The following ZNF736 variants were observed in gnomAD, a reference collection of about 807,000 sequenced individuals.
ZNF736 encodes the protein zinc finger protein 736, also known as KRAB-containing zinc-finger repressor protein.
ZNF736 carries 6 observed loss-of-function variants against 11.7 expected under a neutral mutation model. That is an observed-to-expected ratio of 0.51 (90% CI 0.28 to 1.01). The LOEUF (loss-of-function observed/expected upper bound fraction) is 1.01. ZNF736 is among the 50% of genes least tolerant of loss of function. The probability of loss-of-function intolerance (pLI) is 0.09; values close to 1 mark genes in which losing one functional copy is unlikely to be tolerated. For synonymous variants in ZNF736, 139 were observed against 164.7 expected (o/e 0.84, Z 1.19); for missense variants, 444 against 496.0 (o/e 0.90, Z 1.00).
intron 3 of ZNF736, among the ~76,000 whole-genome samples, chr7:64,337,856 G>A (rs1019585789): frequency 1.3e-5 from 2 of 148,858 alleles, no homozygotes; most frequent in African/African-American, 4.9e-5. Context: ...CCAGGTTCAA[G>A]CGATTCTTCT....
At chr7:64,331,897 G>T (rs1435604735) in intron 1 of ZNF736, among the ~76,000 whole-genome samples, 5 of 152,086 alleles carry the variant, frequency 3.3e-5, no homozygotes, top group South Asian at 2.1e-4. Flanking sequence ...TCACATTTTG[G>T]TTTTTATGTA....
chr7:64,315,974 C>A (rs1788911177), intron 1 of ZNF736, among the ~76,000 whole-genome samples: 1 of 152,182 alleles, frequency 6.6e-6, no homozygotes, highest in Non-Finnish European at 1.5e-5. Context: ...GAGTAGTCAC[C>A]TGACACTGCG....
chr7:64,325,022 C>T (rs1018331193), intron 1 of ZNF736, among the ~76,000 whole-genome samples: 18 of 152,100 alleles, frequency 1.2e-4, no homozygotes, highest in African/African-American at 4.3e-4. Flanking sequence ...TTGTCAATGG[C>T]CGAAGTGCCC....
intron 1 of ZNF736, among the ~76,000 whole-genome samples, chr7:64,328,067 C>G (rs1789106063): frequency 7.1e-6 from 1 of 140,724 alleles, no homozygotes; most frequent in Non-Finnish European, 1.5e-5. Flanking sequence ...AGTTTACACA[C>G]CACATTTATA....
intron 1 of ZNF736, among the ~76,000 whole-genome samples, chr7:64,316,350 G>C (rs1017482252): frequency 5.3e-5 from 8 of 152,160 alleles, no homozygotes; most frequent in African/African-American, 9.7e-5. Flanking sequence ...CACATTGGTG[G>C]TCAACCAATC....
In ZNF736 at chr7:64,355,249, C is replaced by A; in HGVS notation, c.*6102C>A. On this transcript the variant is annotated 3_prime_UTR_variant, in exon 4 of 4. Coordinates refer to ENST00000423484, the MANE Select transcript of ZNF736 (RefSeq NM_001170905.3). ...TGACACAGGTTAAGAGTATGCACCA[C>A]AGGTATCGAAACCTAAAATGCCCTG... 1 of 172,386 alleles carries A rather than the reference C, an allele frequency of 5.8e-6. No individual in the cohort carries two copies. Among genetic ancestry groups the A allele is most frequent in the Non-Finnish European group, 1.4e-5 (1 of 71,880 alleles). 10.7% of individuals were successfully genotyped at this position (172,386 alleles called of 1,614,324 possible). A position where few individuals can be genotyped will look rare whatever the true frequency, so the allele number is the denominator to read the frequency against.
chr7:64,319,373 A>ATATATATG (rs1788969040), intron 1 of ZNF736, among the ~76,000 whole-genome samples: 2 of 125,166 alleles, frequency 1.6e-5, no homozygotes, highest in Non-Finnish European at 3.3e-5. Flanking sequence ...ATATATATAT[A>ATATATATG]TATATATGCC....
chr7:64,355,129 T>C lies in ZNF736; in HGVS notation c.*5982T>C, dbSNP rs1451792101. 6.4e-6 allele frequency: 1 copy of C among 155,282 alleles called. No homozygotes were observed. Among genetic ancestry groups the C allele is most frequent in the Admixed American group, 6.5e-5 (1 of 15,292 alleles). The allele number at this position is 155,282 out of a possible 1,614,324, so 9.6% of individuals were successfully genotyped here. A position where few individuals can be genotyped will look rare whatever the true frequency, so the allele number is the denominator to read the frequency against. The stretch of plus-strand genomic sequence containing the variant: ...AGATGGACATTTTAGCAAAACTAAG[T>C]GAAAACCTTGTAAAATTTTCAGATT... On this transcript the variant is annotated 3_prime_UTR_variant, in exon 4 of 4. Transcript: ENST00000423484.
chr7:64,344,285 A>G (rs1055986083), intron 3 of ZNF736, among the ~76,000 whole-genome samples: 1 of 152,224 alleles, frequency 6.6e-6, no homozygotes, highest in African/African-American at 2.4e-5. Context: ...CTGGGCTTCA[A>G]GAGCAAAACT....
intron 3 of ZNF736, among the ~76,000 whole-genome samples, chr7:64,340,915 A>C (rs182349445): frequency 2.0e-5 from 3 of 152,208 alleles, no homozygotes; most frequent in Admixed American, 2.0e-4. Context: ...TTCTTCAAAT[A>C]ACCTCTCTGT....
At chr7:64,322,240 G>T (rs903296651) in intron 1 of ZNF736, among the ~76,000 whole-genome samples, 3 of 151,830 alleles carry the variant, frequency 2.0e-5, no homozygotes, top group Non-Finnish European at 4.4e-5. Context: ...GGATTATGCT[G>T]TTGTTTTTCA....
chr7:64,314,266 C>T (rs1788880149), intron 1 of ZNF736, 113 bp downstream of exon 1: 1 of 1,348,772 alleles, frequency 7.4e-7, no homozygotes, highest in South Asian at 1.4e-5. Context: ...AGTCTGCATC[C>T]CCGAGTCCCC....
In ZNF736 at chr7:64,348,623, G is replaced by A. The variant is rs1789444532; in HGVS notation, c.760G>A (p.Asp254Asn). Reference sequence around the variant, plus strand: ...TAAACACAAGAGAAATCATACTGGAGACAGACCCTACAAATGTGAAGAATG... The same window carrying A: ...TAAACACAAGAGAAATCATACTGGAAACAGACCCTACAAATGTGAAGAATG... ...LVKHKRNHTGDRPYKCEECGK... is the reference protein window; with the variant it reads ...LVKHKRNHTGNRPYKCEECGK... The change falls in exon 4 of 4, where the codon GAC becomes AAC. Residue 254 changes from aspartate (D) to asparagine (N), a missense_variant. Physicochemically the swap from Asp to Asn is conservative, Grantham distance 23. Transcript: ENST00000423484. 1 of 1,605,250 alleles carries A rather than the reference G, an allele frequency of 6.2e-7. No homozygotes were observed. The highest frequency in any genetic ancestry group is 1.7e-5 in the Admixed American group (1 of 58,608).
rs763757688 is a variant in ZNF736 at position 64,351,950 on chromosome 7, G to A, written c.*2803G>A. ...TCTCCTTGGGTAAACTGCAGTTTGA[G>A]GTGTGAATAAGGCACTTAGGGTTTG... is the stretch of plus-strand genomic sequence containing the variant. On this transcript the variant is annotated 3_prime_UTR_variant, in exon 4 of 4. Coordinates refer to ENST00000423484, the MANE Select transcript of ZNF736 (RefSeq NM_001170905.3). 3.9e-5 allele frequency: 6 copies of A among 152,200 alleles called. No individual in the cohort carries two copies. The highest frequency in any genetic ancestry group is 5.9e-5 in the Non-Finnish European group (4 of 68,110). The allele number at this position is 152,200 out of a possible 1,614,324, so 9.4% of individuals were successfully genotyped here.
chr7:64,339,749 A>C (rs1181852772), intron 3 of ZNF736, among the ~76,000 whole-genome samples: 4 of 140,974 alleles, frequency 2.8e-5, no homozygotes, highest in Non-Finnish European at 6.4e-5. Context: ...TAATCCTCAA[A>C]ACTGCTTTGG....
chr7:64,314,244 G>A, intron 1 of ZNF736, 91 bp downstream of exon 1: 1 of 1,498,848 alleles, frequency 6.7e-7, no homozygotes. Flanking sequence ...GCCTTCTCGC[G>A]GTCTGCTCTG....
In ZNF736 at chr7:64,352,695, G is replaced by T. The variant is rs1483063116; in HGVS notation, c.*3548G>T. 1 of 152,248 alleles carries T rather than the reference G, an allele frequency of 6.6e-6. No individual in the cohort carries two copies. The highest frequency in any genetic ancestry group is 1.5e-5 in the Non-Finnish European group (1 of 68,094). The allele number at this position is 152,248 out of a possible 1,614,324, so 9.4% of individuals were successfully genotyped here. A position where few individuals can be genotyped will look rare whatever the true frequency, so the allele number is the denominator to read the frequency against. ...GGGGACCTGCTTTAACAGGCAGTCT[G>T]GCCATGTCTTTTTAGAGCACCTGTA... On this transcript the variant is annotated 3_prime_UTR_variant, in exon 4 of 4. Transcript: ENST00000423484.
At chr7:64,337,745 T>TTTTTTG (rs1562673482) in intron 3 of ZNF736, among the ~76,000 whole-genome samples, 11 of 48,792 alleles carry the variant, frequency 2.3e-4, no homozygotes, top group African/African-American at 4.1e-4. Flanking sequence ...TGTTTTGTTT[T>TTTTTTG]GTTTTTTTTG....
intron 1 of ZNF736, among the ~76,000 whole-genome samples, chr7:64,332,766 T>C (rs1021456811): frequency 2.6e-5 from 4 of 152,084 alleles, no homozygotes; most frequent in Non-Finnish European, 5.9e-5. Context: ...AGGGTATTAA[T>C]ATTAATATTC....
Sources: gnomAD v4.1 joint callset for allele counts (sites outside exome capture counted in the v4.1 genomes callset) on GRCh38, gnomAD v4.1.1 for gene constraint, MANE v1.5 for transcripts, NCBI Gene and HGNC (gene_info 2026-07-23, HGNC 2026-07-21) for gene names.